CEP192: variants seen among roughly 807,000 people sequenced by gnomAD.
The protein encoded by CEP192 is centrosomal protein 192, also known as centrosomal protein of 192 kDa.
CEP192 carries 151 observed loss-of-function variants against 271.8 expected under a neutral mutation model. The observed-to-expected ratio is 0.56, with a 90% CI of 0.49 to 0.64. The LOEUF (loss-of-function observed/expected upper bound fraction) is 0.64, where lower values mean the gene tolerates loss of function less well. Among genes scored for constraint, CEP192 ranks in the 30% least tolerant of loss-of-function variants. The pLI is 0.00. For missense variants in CEP192, 2,910 were observed against 3,020.5 expected, an observed-to-expected ratio of 0.96 and a Z score of 0.86; for synonymous variants, 995 against 1,076.5, an observed-to-expected ratio of 0.92 and a Z score of 1.48.
chr18:13,084,714 T>C (rs2038806784), intron 30 of CEP192, among the ~76,000 whole-genome samples: 1 of 152,172 alleles, frequency 6.6e-6, no homozygotes, highest in Non-Finnish European at 1.5e-5. Context: ...TCAATCACGC[T>C]GGGAGCTGCA....
chr18:13,028,930 C>T (rs1350020695), intron 9 of CEP192, among the ~76,000 whole-genome samples: 5 of 152,174 alleles, frequency 3.3e-5, no homozygotes, highest in African/African-American at 1.2e-4. Flanking sequence ...TTATTTAGAA[C>T]GACCTCCTTT....
intron 1 of CEP192, among the ~76,000 whole-genome samples, chr18:12,992,930 G>A (rs1473392166): frequency 6.6e-6 from 1 of 152,106 alleles, no homozygotes; most frequent in Non-Finnish European, 1.5e-5. Flanking sequence ...CTTTGGATTA[G>A]GCCCTTCTAA....
At chr18:13,096,828 A>G (rs1359266679) in intron 36 of CEP192, among the ~76,000 whole-genome samples, 1 of 152,194 alleles carries the variant, frequency 6.6e-6, no homozygotes, top group African/African-American at 2.4e-5. Context: ...CTAGGACAGA[A>G]GGAAGTCTTT....
chr18:13,005,271 G>A (rs2033912071), intron 3 of CEP192, among the ~76,000 whole-genome samples: 1 of 152,144 alleles, frequency 6.6e-6, no homozygotes, highest in African/African-American at 2.4e-5. Flanking sequence ...AAGAGATTCA[G>A]GAATGGCAGA....
At chr18:13,119,266 C>T (rs2040561640) in intron 44 of CEP192, among the ~76,000 whole-genome samples, 1 of 152,182 alleles carries the variant, frequency 6.6e-6, no homozygotes, top group African/African-American at 2.4e-5. Context: ...TTTATCATAA[C>T]TGCATTATTC....
chr18:13,101,589 G>C (rs2039707772), intron 38 of CEP192, among the ~76,000 whole-genome samples: 1 of 152,110 alleles, frequency 6.6e-6, no homozygotes. Flanking sequence ...GGACCTGTTA[G>C]AGAGGATATG....
At position 13,019,133 on chromosome 18, in the gene CEP192, C is replaced by T; in HGVS notation, c.977C>T (p.Pro326Leu). 1 of 1,544,624 alleles carries T rather than the reference C, an allele frequency of 6.5e-7. No homozygotes were observed. Among genetic ancestry groups the T allele is most frequent in the Non-Finnish European group, 8.7e-7 (1 of 1,143,870 alleles). Reference sequence around the variant, plus strand: ...AGAAGGTACACAGATGGTATGTTACCATTTTCCTCTGGTACTTGGGGAACT... The same window carrying T: ...AGAAGGTACACAGATGGTATGTTACTATTTTCCTCTGGTACTTGGGGAACT... Reference protein sequence around the residue: ...DSRRYTDGMLPFSSGTWGTEK... With the variant: ...DSRRYTDGMLLFSSGTWGTEK... Residue 326 changes from proline (P) to leucine (L), a missense_variant, in exon 9 of 45, where the codon CCA (proline) becomes CTA (leucine). Transcript: ENST00000506447.
At chr18:13,039,994 A>G (rs1055840245) in intron 13 of CEP192, among the ~76,000 whole-genome samples, 4 of 152,228 alleles carry the variant, frequency 2.6e-5, no homozygotes, top group Non-Finnish European at 5.9e-5. Flanking sequence ...TATTGGAGGG[A>G]TTGTTTAGCA....
chr18:13,015,737 G>A (rs953690010), intron 6 of CEP192, among the ~76,000 whole-genome samples: 11 of 151,902 alleles, frequency 7.2e-5, no homozygotes, highest in Non-Finnish European at 1.3e-4. Context: ...GAAATTAGGG[G>A]AACCATGAAA....
chr18:13,090,815 G>T (rs1290952437), intron 33 of CEP192, among the ~76,000 whole-genome samples: 2 of 152,164 alleles, frequency 1.3e-5, no homozygotes, highest in Non-Finnish European at 2.9e-5. Flanking sequence ...GCTGAACTGT[G>T]CTATGGAGAT....
intron 18 of CEP192, 92 bp from the exon 19 acceptor site, chr18:13,055,688 T>A: frequency 1.1e-6 from 1 of 893,650 alleles, no homozygotes; most frequent in Non-Finnish European, 1.7e-6. Context: ...CTCATGCACA[T>A]CTCTTTGTTA....
chr18:13,109,554 G>A (rs1309131252), intron 40 of CEP192, among the ~76,000 whole-genome samples: 4 of 151,900 alleles, frequency 2.6e-5, no homozygotes, highest in South Asian at 2.1e-4. Flanking sequence ...AAAGGAAAAC[G>A]GAACAACAAT....
At chr18:13,079,500 T>C (rs1238194550) in intron 30 of CEP192, among the ~76,000 whole-genome samples, 1 of 152,248 alleles carries the variant, frequency 6.6e-6, no homozygotes, top group Non-Finnish European at 1.5e-5. Flanking sequence ...TTTTTTCTTG[T>C]AAATTTGTTC....
At chr18:13,108,849 T>C (rs561401169) in intron 40 of CEP192, among the ~76,000 whole-genome samples, 8 of 152,160 alleles carry the variant, frequency 5.3e-5, no homozygotes, top group Non-Finnish European at 1.0e-4. Context: ...CACTCCAGCC[T>C]GTGTGACAGG....
chr18:13,013,476 T>C (rs1205778226), intron 5 of CEP192, among the ~76,000 whole-genome samples: 6 of 152,146 alleles, frequency 3.9e-5, no homozygotes, highest in Admixed American at 3.9e-4. Flanking sequence ...CTCTTAACAC[T>C]TGTGATCAGA....
At chr18:13,024,499 T>C (rs2035179046) in intron 9 of CEP192, among the ~76,000 whole-genome samples, 1 of 152,180 alleles carries the variant, frequency 6.6e-6, no homozygotes, top group Non-Finnish European at 1.5e-5. Flanking sequence ...AGTCTTGCTC[T>C]GTTGCCAGGC....
At chr18:13,023,086 A>T (rs2035083981) in intron 9 of CEP192, among the ~76,000 whole-genome samples, 1 of 152,002 alleles carries the variant, frequency 6.6e-6, no homozygotes, top group Non-Finnish European at 1.5e-5. Flanking sequence ...GTTCTTTTGG[A>T]TTTTCTGCAT....
chr18:13,095,636 T>G lies in CEP192; in HGVS notation c.6388T>G (p.Trp2130Gly). Residue 2130 changes from tryptophan (W) to glycine (G), a missense_variant, in exon 35 of 45, where the codon TGG becomes GGG. By Grantham distance (184) the Trp-to-Gly change is radical. Coordinates refer to ENST00000506447, the MANE Select transcript of CEP192 (RefSeq NM_032142.4). ...PLDQLASEEP[W>G]TVLPEHLILV... is the part of the protein sequence containing the mutation. The stretch of plus-strand genomic sequence containing the variant: ...GGATCAGCTGGCCTCCGAAGAGCCG[T>G]GGACTGTCCTACCCGAGCACTTGAT... The G allele has an allele frequency of 6.2e-7, 1 of 1,614,188 alleles. No homozygotes were observed. Among genetic ancestry groups the G allele is most frequent in the Middle Eastern group, 1.6e-4 (1 of 6,062 alleles).
Position 13,059,171 on chromosome 18 carries a change from A to G in CEP192, c.4347A>G (p.Ile1449Met). Reference sequence around the variant, plus strand: ...CAGAAGAGATAAAAGTGCTTTTTATACCATCCAGTCCTGGGGTTTTCAGAT... The same window carrying G: ...CAGAAGAGATAAAAGTGCTTTTTATGCCATCCAGTCCTGGGGTTTTCAGAT... ...HATEEIKVLF[I>M]PSSPGVFRCT... The change falls in exon 21 of 45, where the codon ATA (isoleucine) becomes ATG (methionine). Residue 1449 changes from isoleucine (I) to methionine (M), a missense_variant. By Grantham distance (10) the Ile-to-Met change is conservative. Transcript: ENST00000506447. The G allele has an allele frequency of 1.9e-6, 3 of 1,614,026 alleles. No individual in the cohort carries two copies. Among genetic ancestry groups the G allele is most frequent in the Non-Finnish European group, 2.5e-6 (3 of 1,179,894 alleles).
Sources: gnomAD v4.1 joint callset for allele counts (sites outside exome capture counted in the v4.1 genomes callset) on GRCh38, gnomAD v4.1.1 for gene constraint, MANE v1.5 for transcripts, NCBI Gene and HGNC (gene_info 2026-07-23, HGNC 2026-07-21) for gene names.